ANKHD1: variants seen among roughly 807,000 people sequenced by gnomAD.
The protein encoded by ANKHD1 is ankyrin repeat and KH domain-containing protein 1.
ANKHD1 carries 31 observed loss-of-function variants against 230.5 expected under a neutral mutation model. The observed-to-expected ratio is 0.13, with a 90% CI of 0.10 to 0.18. The LOEUF (loss-of-function observed/expected upper bound fraction) is 0.18, where lower values mean the gene tolerates loss of function less well. Among genes scored for constraint, ANKHD1 ranks in the 10% least tolerant of loss-of-function variants. The probability of loss-of-function intolerance (pLI) is 1.00; values close to 1 mark genes in which losing one functional copy is unlikely to be tolerated. For missense variants in ANKHD1, 2,256 were observed against 3,071.3 expected, an observed-to-expected ratio of 0.73 and a Z score of 6.27; for synonymous variants, 1,074 against 1,117.6, an observed-to-expected ratio of 0.96 and a Z score of 0.78.
intron 22 of ANKHD1, 128 bp downstream of exon 22, chr5:140,510,309 CTTTTTTT>C (rs34693244): frequency 2.6e-5 from 14 of 539,976 alleles, no homozygotes; most frequent in South Asian, 8.7e-5. Flanking sequence ...TCTTTCCATT[CTTTTTTT>C]TTTTTTTTTT....
chr5:140,455,776 CTG>C (rs990158542), intron 7 of ANKHD1, among the ~76,000 whole-genome samples: 3 of 152,154 alleles, frequency 2.0e-5, no homozygotes, highest in Admixed American at 6.5e-5. Flanking sequence ...TGGGCAAAAA[CTG>C]GAAGCATTCC....
At chr5:140,513,721 A>G (rs1267755788) in intron 24 of ANKHD1, among the ~76,000 whole-genome samples, 1 of 151,590 alleles carries the variant, frequency 6.6e-6, no homozygotes, top group Non-Finnish European at 1.5e-5. Flanking sequence ...AGGCAGGAGA[A>G]TTGCTTGAGC....
intron 9 of ANKHD1, among the ~76,000 whole-genome samples, chr5:140,463,563 T>C (rs1213152826): frequency 6.6e-6 from 1 of 152,198 alleles, no homozygotes; most frequent in Non-Finnish European, 1.5e-5. Context: ...ATTTTTCTTA[T>C]AGATCAAATA....
At chr5:140,460,071 G>A (rs2126969841) in intron 9 of ANKHD1, among the ~76,000 whole-genome samples, 1 of 152,124 alleles carries the variant, frequency 6.6e-6, no homozygotes, top group Non-Finnish European at 1.5e-5. Flanking sequence ...GAGGAGGTGG[G>A]GATGATGACA....
At chr5:140,491,152 ATATATATATTTTTT>A (rs1197826175) in intron 14 of ANKHD1, among the ~76,000 whole-genome samples, 1 of 99,304 alleles carries the variant, frequency 1.0e-5, no homozygotes, top group Non-Finnish European at 2.0e-5. Flanking sequence ...ATATATATAT[ATATATATATTTTTT>A]TTTTTTTTTT....
chr5:140,436,978 A>G lies in ANKHD1; in HGVS notation c.460+721A>G, dbSNP rs138953852. On this transcript the variant is annotated intron_variant, in intron 2 of 33. Coordinates refer to ENST00000360839, the MANE Select transcript of ANKHD1 (RefSeq NM_017747.3). ...ATGCATATTATAAAATAGCTAAAGC[A>G]ATGTGAAATATATTAAGTAGATAAC... is the stretch of plus-strand genomic sequence containing the variant. Among the ~76,000 whole-genome samples the G allele has an allele frequency of 3.0e-3, 455 of 152,346 alleles. 2 individuals are homozygous for G. The highest frequency in any genetic ancestry group is 4.2e-3 in the Non-Finnish European group (286 of 68,026).
intron 5 of ANKHD1, among the ~76,000 whole-genome samples, chr5:140,445,348 T>A (rs967731182): frequency 1.4e-4 from 21 of 152,052 alleles, no homozygotes; most frequent in African/African-American, 5.1e-4. Context: ...CTCCTAAAAA[T>A]ACAAAATTAG....
intron 10 of ANKHD1, among the ~76,000 whole-genome samples, chr5:140,481,377 A>G (rs902098602): frequency 3.3e-5 from 5 of 152,110 alleles, no homozygotes; most frequent in Admixed American, 6.5e-5. Context: ...TCATTTTTCC[A>G]TAATCTAGAG....
intron 21 of ANKHD1, 93 bp downstream of exon 21, chr5:140,509,905 A>G: frequency 6.5e-7 from 1 of 1,544,452 alleles, no homozygotes; most frequent in Non-Finnish European, 8.7e-7. Flanking sequence ...CTTTATTGAT[A>G]TTGTTAAGAA....
rs188488450 is a variant in ANKHD1, at chr5:140,485,931, T to C, written c.2142+199T>C. 6.4e-6 allele frequency: 5 copies of C among 775,250 alleles called. No individual in the cohort carries two copies. The highest frequency in any genetic ancestry group is 9.5e-6 in the Non-Finnish European group (5 of 526,228). The allele number at this position is 775,250 out of a possible 1,614,324, so 48.0% of individuals were successfully genotyped here. ...TTGTTATTGCCTTATTTATTGAGAA[T>C]AGTGGTTTTTAAAAACCACTTAATA... On this transcript the variant is annotated intron_variant, in intron 13 of 33. Transcript: ENST00000360839. The surrounding 1 kb of genome is among the most constrained non-coding windows in gnomAD (Gnocchi z 4.8).
At chr5:140,478,265 C>CA (rs1387917875) in intron 10 of ANKHD1, among the ~76,000 whole-genome samples, 1 of 148,372 alleles carries the variant, frequency 6.7e-6, no homozygotes, top group Non-Finnish European at 1.5e-5. Context: ...AAAAGAGATA[C>CA]AAAAAATATA....
chr5:140,463,866 C>T (rs1013013450), intron 9 of ANKHD1, among the ~76,000 whole-genome samples: 1 of 151,940 alleles, frequency 6.6e-6, no homozygotes, highest in Non-Finnish European at 1.5e-5. Flanking sequence ...AGGGTTTCAC[C>T]ACGTTGCCCA....
At chr5:140,509,507 A>G (rs1752672762) in intron 20 of ANKHD1, 130 bp from the exon 21 acceptor site, 1 of 1,125,916 alleles carries the variant, frequency 8.9e-7, no homozygotes. Flanking sequence ...ATGAGAGCTA[A>G]TCAGAACTAG....
At chr5:140,412,458 G>A (rs1461671823) in intron 1 of ANKHD1, among the ~76,000 whole-genome samples, 2 of 152,086 alleles carry the variant, frequency 1.3e-5, no homozygotes, top group African/African-American at 4.8e-5. Context: ...ACGCCTGGCC[G>A]GAAAAGTTTT....
chr5:140,453,412 C>G (rs1160566002), intron 7 of ANKHD1, among the ~76,000 whole-genome samples: 1 of 152,104 alleles, frequency 6.6e-6, no homozygotes, highest in East Asian at 1.9e-4. Flanking sequence ...ACATAATTGT[C>G]AGATTCACCA....
intron 1 of ANKHD1, among the ~76,000 whole-genome samples, chr5:140,416,695 G>A (rs1581211291): frequency 2.0e-5 from 3 of 151,928 alleles, no homozygotes; most frequent in African/African-American, 7.2e-5. Context: ...ATGTTGTCCA[G>A]GCTGGTCTCA....
intron 10 of ANKHD1, among the ~76,000 whole-genome samples, chr5:140,480,276 G>C (rs763523969): frequency 2.2e-4 from 34 of 152,114 alleles, no homozygotes; most frequent in African/African-American, 7.9e-4. Flanking sequence ...TTTATTTCAG[G>C]AATTAATATG....
chr5:140,414,963 G>T (rs1387326189), intron 1 of ANKHD1, among the ~76,000 whole-genome samples: 1 of 152,052 alleles, frequency 6.6e-6, no homozygotes, highest in East Asian at 1.9e-4. Context: ...TCTGTAGCTT[G>T]TCATTTCATT....
At chr5:140,426,415 C>A (rs939122035) in intron 1 of ANKHD1, among the ~76,000 whole-genome samples, 2 of 152,212 alleles carry the variant, frequency 1.3e-5, no homozygotes, top group African/African-American at 4.8e-5. Flanking sequence ...AAGGTGTGAG[C>A]CACTGCGCCC....
Sources: allele counts gnomAD v4.1 joint callset (sites outside exome capture counted in the v4.1 genomes callset), GRCh38; gene constraint gnomAD v4.1.1; non-coding constraint Gnocchi (gnomAD v3.1); transcripts MANE v1.5; gene names NCBI Gene and HGNC (gene_info 2026-07-23, HGNC 2026-07-21).